The following GRIA4 variants were observed in gnomAD, a reference collection of about 807,000 sequenced individuals.
GRIA4 encodes the protein glutamate ionotropic receptor AMPA type subunit 4, also known as glutamate receptor 4.
A neutral mutation model predicts 104.0 loss-of-function variants in GRIA4; 34 were observed. The ratio of observed to expected loss-of-function variants is 0.33; its 90% CI spans 0.25 to 0.44. The LOEUF is 0.44. GRIA4 is among the 20% of genes least tolerant of loss of function. The pLI is 1.00. For synonymous variants in GRIA4, 386 were observed against 381.9 expected, an observed-to-expected ratio of 1.01 and a Z score of -0.13; for missense variants, 750 against 1,096.5, an observed-to-expected ratio of 0.68 and a Z score of 4.46.
chr11:105,898,185 A>C, intron 6 of GRIA4, 84 bp from the exon 7 acceptor site: 2 of 650,158 alleles, frequency 3.1e-6, no homozygotes, highest in East Asian at 5.6e-5. Flanking sequence ...TTTAATATGT[A>C]TAGGTTATTA....
intron 6 of GRIA4, among the ~76,000 whole-genome samples, chr11:105,892,202 C>A (rs756044153): frequency 1.2e-4 from 18 of 152,134 alleles, no homozygotes; most frequent in Non-Finnish European, 1.9e-4. Context: ...ATATTAAACA[C>A]ATTGCTCTGT....
chr11:105,723,173 G>A (rs1375854412), intron 3 of GRIA4, among the ~76,000 whole-genome samples: 1 of 152,032 alleles, frequency 6.6e-6, no homozygotes, highest in East Asian at 1.9e-4. Context: ...CAATGAGAAA[G>A]GAAATGCTGG....
At chr11:105,772,964 G>T (rs969146110) in intron 4 of GRIA4, among the ~76,000 whole-genome samples, 3 of 152,008 alleles carry the variant, frequency 2.0e-5, no homozygotes, top group African/African-American at 7.2e-5. Flanking sequence ...AAGAGAGCGA[G>T]GGAAACATCT....
chr11:105,775,220 A>G (rs1941397145), intron 4 of GRIA4, among the ~76,000 whole-genome samples: 1 of 152,262 alleles, frequency 6.6e-6, no homozygotes, highest in East Asian at 1.9e-4. Context: ...CCACATGGAC[A>G]ATCCAGGATA....
chr11:105,762,617 C>G (rs547099236), intron 4 of GRIA4, among the ~76,000 whole-genome samples: 1 of 152,094 alleles, frequency 6.6e-6, no homozygotes, highest in Non-Finnish European at 1.5e-5. Context: ...TTTTAATAAG[C>G]CCCTCTTGTC....
chr11:105,952,051 C>T (rs935863118), intron 14 of GRIA4, among the ~76,000 whole-genome samples: 2 of 152,082 alleles, frequency 1.3e-5, no homozygotes, highest in African/African-American at 4.8e-5. Flanking sequence ...TTTGGAAATC[C>T]CTTCTCAATA....
chr11:105,843,608 A>G (rs1458739454), intron 4 of GRIA4, among the ~76,000 whole-genome samples: 2 of 152,174 alleles, frequency 1.3e-5, no homozygotes, highest in East Asian at 1.9e-4. Flanking sequence ...TCAACATCTC[A>G]CAAACACTGG....
intron 3 of GRIA4, among the ~76,000 whole-genome samples, chr11:105,743,956 C>CTTTTATGAT (rs1939490365): frequency 6.6e-6 from 1 of 152,118 alleles, no homozygotes; most frequent in African/African-American, 2.4e-5. Flanking sequence ...TTAATTTGCC[C>CTTTTATGAT]TTTTATGATC....
intron 15 of GRIA4, among the ~76,000 whole-genome samples, chr11:105,972,298 C>T (rs1043943272): frequency 1.3e-5 from 2 of 152,122 alleles, no homozygotes; most frequent in African/African-American, 4.8e-5. Flanking sequence ...AACTTACGTA[C>T]CACTCATAAA....
At chr11:105,843,887 C>T (rs1456201966) in intron 4 of GRIA4, among the ~76,000 whole-genome samples, 2 of 152,138 alleles carry the variant, frequency 1.3e-5, no homozygotes, top group Admixed American at 6.5e-5. Flanking sequence ...CTCCATTGGT[C>T]GCTTTTTTTC....
At chr11:105,638,730 C>T (rs1330002684) in intron 3 of GRIA4, among the ~76,000 whole-genome samples, 1 of 151,800 alleles carries the variant, frequency 6.6e-6, no homozygotes, top group Admixed American at 6.6e-5. Context: ...CTTTATAATA[C>T]CTCAAATTTA....
At chr11:105,893,350 G>C (rs1347815874) in intron 6 of GRIA4, among the ~76,000 whole-genome samples, 2 of 152,004 alleles carry the variant, frequency 1.3e-5, no homozygotes, top group Non-Finnish European at 2.9e-5. Context: ...TGAGAAAACT[G>C]CTTCACTGTC....
At chr11:105,908,194 C>T (rs988471729) in intron 9 of GRIA4, among the ~76,000 whole-genome samples, 36 of 152,288 alleles carry the variant, frequency 2.4e-4, no homozygotes, top group Non-Finnish European at 4.4e-4. Flanking sequence ...AGTATAGTTA[C>T]ATTTGCATAC....
In GRIA4 at chr11:105,911,913, GAAAGA is replaced by G. The variant is rs762060020; in HGVS notation, c.1269+1374_1269+1378del. 3 of 1,561,654 alleles carry G rather than the reference GAAAGA, an allele frequency of 1.9e-6. No individual in the cohort carries two copies. The East Asian group carries it at 6.9e-5, about 36-fold the overall frequency. ...AATCCTATTTTAAGAAATTGATCAA[GAAAGA>G]AAAGAGTTCCGCGCTGTTCGACCAT... is the stretch of plus-strand genomic sequence containing the variant. On this transcript the variant is annotated intron_variant, in intron 10 of 16. Transcript: ENST00000282499.
At chr11:105,970,888 C>T (rs1007641587) in intron 14 of GRIA4, among the ~76,000 whole-genome samples, 2 of 152,208 alleles carry the variant, frequency 1.3e-5, no homozygotes, top group African/African-American at 4.8e-5. Flanking sequence ...GGAGTGAAAA[C>T]GGAAAGAATT....
In GRIA4 at chr11:105,905,184, C is replaced by T. The variant is rs1166083358; in HGVS notation, c.1054-13C>T. The T allele has an allele frequency of 3.3e-6, 5 of 1,500,188 alleles. No individual in the cohort carries two copies. The highest frequency in any genetic ancestry group is 4.6e-6 in the Non-Finnish European group (5 of 1,077,000). The allele number at this position is 1,500,188 out of a possible 1,614,324, so 92.9% of individuals were successfully genotyped here. ...ATTGCAAGTGAACACGTGTGGTTTTCTTTTTCACTTAGGTTCGAATTCAAG... is the reference window on the plus strand; with the variant it reads ...ATTGCAAGTGAACACGTGTGGTTTTTTTTTTCACTTAGGTTCGAATTCAAG... On this transcript the variant is annotated splice_polypyrimidine_tract_variant and intron_variant, in intron 8 of 16. Coordinates refer to ENST00000282499, the MANE Select transcript of GRIA4 (RefSeq NM_000829.4).
chr11:105,614,341 T>G (rs1233400213), intron 3 of GRIA4: 4 of 151,870 alleles, frequency 2.6e-5, no homozygotes, highest in African/African-American at 7.2e-5. Context: ...CTTTTCCTCC[T>G]TTTTGTTTGT....
intron 3 of GRIA4, among the ~76,000 whole-genome samples, chr11:105,651,290 G>A (rs1424266994): frequency 2.6e-5 from 4 of 151,966 alleles, no homozygotes; most frequent in South Asian, 4.2e-4. Flanking sequence ...TGACCTCTTC[G>A]AAGTCTACAA....
At chr11:105,707,467 A>C (rs1449023053) in intron 3 of GRIA4, 1 of 152,230 alleles carries the variant, frequency 6.6e-6, no homozygotes, top group African/African-American at 2.4e-5. Context: ...GTAATGTTAA[A>C]ATGAATGAAA....
Sources: allele counts gnomAD v4.1 joint callset (sites outside exome capture counted in the v4.1 genomes callset), GRCh38; gene constraint gnomAD v4.1.1; transcripts MANE v1.5; gene names NCBI Gene and HGNC (gene_info 2026-07-23, HGNC 2026-07-21).